GLT8D2: variants seen among roughly 807,000 people sequenced by gnomAD.
GLT8D2 encodes the protein glycosyltransferase 8 domain containing 2.
A neutral mutation model predicts 44.5 loss-of-function variants in GLT8D2; 45 were observed. That is an observed-to-expected ratio of 1.01 (90% CI 0.80 to 1.30). The LOEUF is 1.30. Ranked by LOEUF, GLT8D2 falls within the 50% of genes most tolerant of loss-of-function variation. GLT8D2 has a pLI of 0.00. For missense variants in GLT8D2, 400 were observed against 430.4 expected, an observed-to-expected ratio of 0.93 and a Z score of 0.62; for synonymous variants, 156 against 157.2, an observed-to-expected ratio of 0.99 and a Z score of 0.06.
chr12:103,994,145 C>A, intron 9 of GLT8D2, 190 bp downstream of exon 9: 1 of 429,672 alleles, frequency 2.3e-6, no homozygotes, highest in African/African-American at 2.0e-5. Flanking sequence ...GATCTTGATT[C>A]CTCTGATTTA....
upstream of GLT8D2, chr12:104,064,406 G>A (rs115289286): frequency 3.3e-3 from 2,093 of 639,444 alleles, 45 homozygotes; most frequent in African/African-American, 0.036. The surrounding 1 kb of genome is among the most constrained non-coding windows in gnomAD (Gnocchi z 7.3). Flanking sequence ...CCCTTCCCCA[G>A]CGTCTCTCCA....
chr12:103,999,715 G>A (rs1188004575), intron 5 of GLT8D2, among the ~76,000 whole-genome samples: 3 of 151,964 alleles, frequency 2.0e-5, no homozygotes, highest in East Asian at 3.9e-4. Flanking sequence ...CCTCAATCAC[G>A]TAACTCTTTC....
At chr12:104,027,022 T>C (rs539321133) in intron 1 of GLT8D2, among the ~76,000 whole-genome samples, 1 of 152,240 alleles carries the variant, frequency 6.6e-6, no homozygotes, top group Admixed American at 6.5e-5. Context: ...TGAACCAAAG[T>C]GTTATGAGAA....
chr12:104,046,264 T>A (rs1182651285), intron 1 of GLT8D2, among the ~76,000 whole-genome samples: 1 of 151,954 alleles, frequency 6.6e-6, no homozygotes, highest in East Asian at 1.9e-4. Context: ...TATTAACTAT[T>A]ATTATTTTAA....
intron 1 of GLT8D2, among the ~76,000 whole-genome samples, chr12:104,023,645 T>C (rs1273219418): frequency 1.3e-5 from 2 of 152,194 alleles, no homozygotes; most frequent in Non-Finnish European, 2.9e-5. Flanking sequence ...TAGAGAACAA[T>C]GCCAACACTC....
intron 4 of GLT8D2, among the ~76,000 whole-genome samples, chr12:104,004,773 G>A (rs1021244581): frequency 9.2e-5 from 14 of 152,128 alleles, no homozygotes; most frequent in Non-Finnish European, 1.3e-4. Context: ...TCATGGATAG[G>A]AAGAATCAAT....
rs548165735 is a variant in GLT8D2 at position 104,057,341 on chromosome 12, G to A, written c.-423+6608C>T. On this transcript the variant is annotated intron_variant, in intron 1 of 10. Transcript: ENST00000548660. ...TTCAAGACCAGCCTGAGCAACATAGGGAGACCCCGTCTCTACAAAAAATAA... is the reference window on the plus strand; with the variant it reads ...TTCAAGACCAGCCTGAGCAACATAGAGAGACCCCGTCTCTACAAAAAATAA... Among the ~76,000 whole-genome samples the A allele has an allele frequency of 2.6e-5, 4 of 151,548 alleles. No individual in the cohort carries two copies. In the South Asian group the frequency reaches 8.5e-4, roughly 32 times the overall value.
chr12:104,021,983 G>GGAAGAA (rs1296709552), intron 1 of GLT8D2, among the ~76,000 whole-genome samples: 1 of 18,186 alleles, frequency 5.5e-5, no homozygotes, highest in Non-Finnish European at 1.1e-4. Flanking sequence ...AAGAGGAAGA[G>GGAAGAA]GAAGAAGAAG....
chr12:104,040,429 T>A (rs1191641398), intron 1 of GLT8D2, among the ~76,000 whole-genome samples: 5 of 151,434 alleles, frequency 3.3e-5, no homozygotes, highest in Non-Finnish European at 5.9e-5. Flanking sequence ...GAAAAAAAAA[T>A]GTTTTTTTTC....
intron 5 of GLT8D2, among the ~76,000 whole-genome samples, chr12:104,002,398 A>G (rs1304243386): frequency 6.6e-6 from 1 of 152,178 alleles, no homozygotes; most frequent in African/African-American, 2.4e-5. Context: ...TTTTTTGTCT[A>G]TAATACATGT....
intron 4 of GLT8D2, among the ~76,000 whole-genome samples, chr12:104,003,968 C>T (rs1324632119): frequency 2.6e-5 from 4 of 151,954 alleles, no homozygotes; most frequent in African/African-American, 9.7e-5. Flanking sequence ...AACACTGATG[C>T]AAAAATCCTC....
intron 3 of GLT8D2, among the ~76,000 whole-genome samples, chr12:104,016,956 C>T (rs1354341373): frequency 6.6e-6 from 1 of 152,008 alleles, no homozygotes; most frequent in Non-Finnish European, 1.5e-5. Context: ...ACCTCAATGC[C>T]TCCAAGCCTC....
At chr12:104,039,696 T>C (rs1408573043) in intron 1 of GLT8D2, among the ~76,000 whole-genome samples, 2 of 152,234 alleles carry the variant, frequency 1.3e-5, no homozygotes, top group Non-Finnish European at 2.9e-5. Flanking sequence ...ACACTGTTGG[T>C]GGGAGTGTAA....
intron 1 of GLT8D2, among the ~76,000 whole-genome samples, chr12:104,045,892 TAAGAAAG>T (rs1196728212): frequency 1.1e-4 from 12 of 112,028 alleles, no homozygotes; most frequent in Non-Finnish European, 2.0e-4. Context: ...AAAAGAAAGA[TAAGAAAG>T]AAAGAAAGAA....
At chr12:103,997,670 C>T in intron 6 of GLT8D2, 135 bp from the exon 7 acceptor site, 1 of 637,358 alleles carries the variant, frequency 1.6e-6, no homozygotes, top group Admixed American at 2.7e-5. Context: ...CAGGAGCTAG[C>T]AAGATGTCTC....
chr12:104,018,395 A>G (rs1877166110), intron 3 of GLT8D2, among the ~76,000 whole-genome samples: 3 of 152,176 alleles, frequency 2.0e-5, no homozygotes, highest in Non-Finnish European at 4.4e-5. Flanking sequence ...GATGCCCTCC[A>G]AAGCTACATC....
intron 10 of GLT8D2, among the ~76,000 whole-genome samples, chr12:103,992,787 C>CG (rs1037280483): frequency 6.6e-6 from 1 of 152,074 alleles, no homozygotes; most frequent in African/African-American, 2.4e-5. Flanking sequence ...CCACCACGCC[C>CG]GGCCGAAAGT....
At chr12:104,050,846 C>T (rs992586736), upstream of GLT8D2, among the ~76,000 whole-genome samples, 1 of 149,218 alleles carries the variant, frequency 6.7e-6, no homozygotes, top group Non-Finnish European at 1.5e-5. Flanking sequence ...ACGGAGTCTC[C>T]CTCTGTCTCC....
intron 1 of GLT8D2, among the ~76,000 whole-genome samples, chr12:104,021,912 GAAGAAGAAGAAGAAGAAGAAGAA>G (rs1877750951): frequency 6.1e-5 from 1 of 16,332 alleles, no homozygotes; most frequent in African/African-American, 2.0e-4. Flanking sequence ...AGAAGAAGAA[GAAGAAGAAGAAGAAGAAGAAGAA>G]GAAGAAGAAG....
Sources: gnomAD v4.1 joint callset for allele counts (sites outside exome capture counted in the v4.1 genomes callset) on GRCh38, gnomAD v4.1.1 for gene constraint, Gnocchi (gnomAD v3.1) non-coding constraint, MANE v1.5 for transcripts, NCBI Gene and HGNC (gene_info 2026-07-23, HGNC 2026-07-21) for gene names.